FKBP4: variants seen among roughly 807,000 people sequenced by gnomAD.
FKBP4 encodes peptidyl-prolyl cis-trans isomerase FKBP4.
In FKBP4, 28 loss-of-function variants were observed where a neutral mutation model predicts 54.1. That is an observed-to-expected ratio of 0.52 (90% CI 0.38 to 0.71). The LOEUF is 0.71. Among genes scored for constraint, FKBP4 ranks in the 30% least tolerant of loss-of-function variants. FKBP4 has a pLI of 0.00. For missense variants in FKBP4, 493 were observed against 574.4 expected, an observed-to-expected ratio of 0.86 and a Z score of 1.45; for synonymous variants, 223 against 216.1, an observed-to-expected ratio of 1.03 and a Z score of -0.28.
chr12:2,799,331 C>T (rs1454359761), intron 5 of FKBP4, 87 bp downstream of exon 5: 1 of 1,375,824 alleles, frequency 7.3e-7, no homozygotes, highest in East Asian at 2.5e-5. Flanking sequence ...CTGTTTGTAT[C>T]CTTTTTAACT....
rs199705099 is a variant in FKBP4 at position 2,801,150 on chromosome 12, C to G, written c.1066C>G (p.Leu356Val). ...ACTGGACAGCAACAACGAGAAGGGCCTCTTCCGCCGGGGAGAGGCCCACCT... is the reference window on the plus strand; with the variant it reads ...ACTGGACAGCAACAACGAGAAGGGCGTCTTCCGCCGGGGAGAGGCCCACCT... ...LELDSNNEKGLFRRGEAHLAV... is the reference protein window; with the variant it reads ...LELDSNNEKGVFRRGEAHLAV... The change falls in exon 9 of 10, where the codon CTC becomes GTC. Residue 356 changes from leucine to valine, a missense_variant. Physicochemically the swap from Leu to Val is conservative, Grantham distance 32. Transcript: ENST00000001008. 2 of 1,613,788 alleles carry G rather than the reference C, an allele frequency of 1.2e-6. No individual in the cohort carries two copies. Among genetic ancestry groups the G allele is most frequent in the African/African-American group, 2.7e-5 (2 of 74,924 alleles).
intron 2 of FKBP4, 79 bp downstream of exon 2, chr12:2,797,361 C>T (rs1438813633): frequency 6.5e-7 from 1 of 1,538,418 alleles, no homozygotes; most frequent in Non-Finnish European, 8.9e-7. Context: ...TTTCTCAGGA[C>T]CAAGCTCAGG....
At chr12:2,801,549 AG>A in intron 9 of FKBP4, 193 bp downstream of exon 9, 1 of 773,352 alleles carries the variant, frequency 1.3e-6, no homozygotes, top group Non-Finnish European at 2.1e-6. Context: ...CCTACCCACA[AG>A]CCCCAGAAGT....
In FKBP4 at chr12:2,800,030, G is replaced by A; in HGVS notation, c.763-9G>A. On this transcript the variant is annotated splice_polypyrimidine_tract_variant and intron_variant, in intron 6 of 9. Transcript: ENST00000001008. ...CTGACAACTTTGTTTCTCTCCTGGG[G>A]TGTGGCAGGCCAAGGAGTCTTGGGA... is the stretch of plus-strand genomic sequence containing the variant. 1 of 1,614,182 alleles carries A rather than the reference G, an allele frequency of 6.2e-7. No individual in the cohort carries two copies. Among genetic ancestry groups the A allele is most frequent in the Non-Finnish European group, 8.5e-7 (1 of 1,180,012 alleles).
At position 2,798,667 on chromosome 12, in the gene FKBP4, T is replaced by G; in HGVS notation, c.394-39T>G. On this transcript the variant is annotated intron_variant, in intron 3 of 9. Coordinates refer to ENST00000001008, the MANE Select transcript of FKBP4 (RefSeq NM_002014.4). This position sits in a 1 kb window ranked among gnomAD's most constrained non-coding sequence, Gnocchi z 4.3. The stretch of plus-strand genomic sequence containing the variant: ...AAGATTGTGTTTCACTGCCCATGAG[T>G]TAGCATGGGAAGGAATTGTGTCACA... 1.2e-6 allele frequency: 2 copies of G among 1,611,796 alleles called. No individual in the cohort carries two copies. The highest frequency in any genetic ancestry group is 2.2e-5 in the South Asian group (2 of 90,952).
intron 3 of FKBP4, 41 bp downstream of exon 3, chr12:2,797,912 C>T: frequency 1.9e-6 from 3 of 1,586,500 alleles, no homozygotes; most frequent in Non-Finnish European, 2.6e-6. Flanking sequence ...AGAGCCAGGC[C>T]TTATCTCAGC....
At position 2,804,902 on chromosome 12, in the gene FKBP4, G is replaced by A. The variant is rs1215276660; in HGVS notation, c.*1644G>A. The A allele has an allele frequency of 1.3e-5, 3 of 227,488 alleles. No homozygotes were observed. The highest frequency in any genetic ancestry group is 1.2e-4 in the Admixed American group (2 of 17,282). 14.1% of individuals were successfully genotyped at this position (227,488 alleles called of 1,614,324 possible). On this transcript the variant is annotated 3_prime_UTR_variant, in exon 10 of 10. Transcript: ENST00000001008. ...TGCACGCCAGCCTGGGCAAGAGAGT[G>A]AGACCATCTCTTTTTTAAAAAAGTC... is the stretch of plus-strand genomic sequence containing the variant.
At chr12:2,797,540 G>A (rs2097902560) in intron 2 of FKBP4, among the ~76,000 whole-genome samples, 189 bp from the exon 3 acceptor site, 1 of 151,778 alleles carries the variant, frequency 6.6e-6, no homozygotes, top group South Asian at 2.1e-4. Context: ...TTTTGTTCAG[G>A]GTCACGTGAT....
chr12:2,796,315 A>C (rs1321223376), intron 1 of FKBP4: 2 of 1,289,010 alleles, frequency 1.6e-6, no homozygotes, highest in South Asian at 2.5e-5. Context: ...GTGGCATGTG[A>C]CTTCCCCTTC....
rs1400270452 is a variant in FKBP4, at chr12:2,797,796, C to T, written c.318C>T (p.Thr106=). The T allele has an allele frequency of 6.2e-7, 1 of 1,614,034 alleles. No homozygotes were observed. Among genetic ancestry groups the T allele is most frequent in the Admixed American group, 1.7e-5 (1 of 60,026 alleles). ...TMKVGEVCHI[T]CKPEYAYGSA... is the part of the protein sequence containing the mutation. ...AGGTGGGGGAGGTGTGCCACATCACCTGCAAACCAGAATATGCCTACGGTT... is the reference window on the plus strand; with the variant it reads ...AGGTGGGGGAGGTGTGCCACATCACTTGCAAACCAGAATATGCCTACGGTT... Residue 106 remains threonine (T), a synonymous_variant, in exon 3 of 10, where the codon ACC becomes ACT. Transcript: ENST00000001008.
At chr12:2,801,059 C>T in intron 8 of FKBP4, 58 bp from the exon 9 acceptor site, 1 of 1,604,242 alleles carries the variant, frequency 6.2e-7, no homozygotes, top group Non-Finnish European at 8.5e-7. Flanking sequence ...CCAGTCTAGG[C>T]CAGATGAGCT....
In FKBP4 at chr12:2,795,865, G is replaced by C. The variant is rs952902702; in HGVS notation, c.105+621G>C. On this transcript the variant is annotated intron_variant, in intron 1 of 9. Coordinates refer to ENST00000001008, the MANE Select transcript of FKBP4 (RefSeq NM_002014.4). This position sits in a 1 kb window ranked among gnomAD's most constrained non-coding sequence, Gnocchi z 4.3. ...GGACCCAGCGAGGTCCCCACTCGCC[G>C]CGCGGCGCCCCCTCCCTCGGCCCCG... 3.0e-5 allele frequency: 24 copies of C among 806,054 alleles called. No homozygotes were observed. The highest frequency in any genetic ancestry group is 3.3e-5 in the Non-Finnish European group (22 of 665,174). 49.9% of individuals were successfully genotyped at this position (806,054 alleles called of 1,614,324 possible). A position where few individuals can be genotyped will look rare whatever the true frequency, so the allele number is the denominator to read the frequency against.
At chr12:2,801,986 C>T (rs748005491) in intron 9 of FKBP4, among the ~76,000 whole-genome samples, 4 of 152,090 alleles carry the variant, frequency 2.6e-5, no homozygotes, top group Non-Finnish European at 4.4e-5. Context: ...TTGGCGCATA[C>T]TATGCTTTTT....
At chr12:2,797,566 G>A (rs1042250609) in intron 2 of FKBP4, among the ~76,000 whole-genome samples, 163 bp from the exon 3 acceptor site, 8 of 152,036 alleles carry the variant, frequency 5.3e-5, no homozygotes, top group African/African-American at 1.9e-4. Context: ...ACAGTTCTTA[G>A]ACCTGGTAGC....
chr12:2,798,853 A>T lies in FKBP4; in HGVS notation c.514+27A>T. On this transcript the variant is annotated intron_variant, in intron 4 of 9. Transcript: ENST00000001008. The surrounding 1 kb of genome is among the most constrained non-coding windows in gnomAD (Gnocchi z 4.3). ...TGAGACAGTACAGTCTGGGCTTTCA[A>T]TTCTCATTCTGATATTTAGGCCTTG... 1 of 1,609,756 alleles carries T rather than the reference A, an allele frequency of 6.2e-7. No homozygotes were observed. The highest frequency in any genetic ancestry group is 8.5e-7 in the Non-Finnish European group (1 of 1,176,306).
In FKBP4 at chr12:2,797,223, G is replaced by A; in HGVS notation, c.191G>A (p.Gly64Asp). Residue 64 changes from glycine to aspartate, a missense_variant, in exon 2 of 10, where the codon GGC becomes GAC. By Grantham distance (94) the Gly-to-Asp change is moderately conservative. Transcript: ENST00000001008. The stretch of plus-strand genomic sequence containing the variant: ...CACTACACTGGCTGGCTATTAGATG[G>A]CACAAAGTTTGACTCCAGTCTGGAT... ...FVHYTGWLLDGTKFDSSLDRK... is the reference protein window; with the variant it reads ...FVHYTGWLLDDTKFDSSLDRK... The A allele has an allele frequency of 6.2e-7, 1 of 1,613,922 alleles. No individual in the cohort carries two copies. The highest frequency in any genetic ancestry group is 8.5e-7 in the Non-Finnish European group (1 of 1,179,866).
At chr12:2,797,064 A>C in intron 1 of FKBP4, 74 bp from the exon 2 acceptor site, 1 of 1,587,590 alleles carries the variant, frequency 6.3e-7, no homozygotes, top group South Asian at 1.1e-5. Flanking sequence ...TTCCCTCTGG[A>C]GGCTTGCAGG....
In FKBP4 at chr12:2,803,270, C is replaced by G. The variant is rs745676560; in HGVS notation, c.*12C>G. On this transcript the variant is annotated 3_prime_UTR_variant, in exon 10 of 10. Coordinates refer to ENST00000001008, the MANE Select transcript of FKBP4 (RefSeq NM_002014.4). ...AGACAGAAGCATAGCCCCTCTCCAC[C>G]AGCCCTACTCCTGCGGCTGCCTGCC... 10 of 1,547,784 alleles carry G rather than the reference C, an allele frequency of 6.5e-6. No homozygotes were observed. Among genetic ancestry groups the G allele is most frequent in the Non-Finnish European group, 7.9e-6 (9 of 1,143,834 alleles).
chr12:2,800,575 A>G lies in FKBP4; in HGVS notation c.1030A>G (p.Lys344Glu). 1 of 1,607,628 alleles carries G rather than the reference A, an allele frequency of 6.2e-7. No individual in the cohort carries two copies. The highest frequency in any genetic ancestry group is 1.3e-5 in the African/African-American group (1 of 74,860). The change falls in exon 8 of 10, where the codon AAG becomes GAG. Residue 344 changes from lysine (K) to glutamate (E), a missense_variant and splice_region_variant. Transcript: ENST00000001008. ...CTCTGCTGCCATTGAAAGCTGTAAC[A>G]AGGTGAGGCCCCCTCAGAGGTCATG... Reference protein sequence around the residue: ...AFSAAIESCNKALELDSNNEK... With the variant: ...AFSAAIESCNEALELDSNNEK...
Sources: gnomAD v4.1 joint callset for allele counts (sites outside exome capture counted in the v4.1 genomes callset) on GRCh38, gnomAD v4.1.1 for gene constraint, Gnocchi (gnomAD v3.1) non-coding constraint, MANE v1.5 for transcripts, NCBI Gene and HGNC (gene_info 2026-07-23, HGNC 2026-07-21) for gene names.